The following DMXL1 variants were observed in gnomAD, a reference collection of about 807,000 sequenced individuals.
The protein encoded by DMXL1 is Dmx like 1.
A neutral mutation model predicts 319.2 loss-of-function variants in DMXL1; 99 were observed. The ratio of observed to expected loss-of-function variants is 0.31; its 90% confidence interval spans 0.26 to 0.37. The LOEUF (loss-of-function observed/expected upper bound fraction) is 0.37, where lower values mean the gene tolerates loss of function less well. Among genes scored for constraint, DMXL1 ranks in the 10% least tolerant of loss-of-function variants. DMXL1 has a pLI of 1.00. For synonymous variants in DMXL1, 1,385 were observed against 1,235.2 expected (o/e 1.12, Z -2.54); for missense variants, 3,745 against 3,595.6 (o/e 1.04, Z -1.06).
intron 8 of DMXL1, 82 bp downstream of exon 8, chr5:119,119,086 A>G (rs1462373468): frequency 1.2e-6 from 1 of 862,824 alleles, no homozygotes. Context: ...TAATGTTATA[A>G]AAAAACTATA....
intron 29 of DMXL1, among the ~76,000 whole-genome samples, chr5:119,193,561 GTGGTGAT>G (rs1462216649): frequency 1.3e-5 from 2 of 152,062 alleles, no homozygotes; most frequent in Admixed American, 1.3e-4. Flanking sequence ...GTAAATGAGG[GTGGTGAT>G]TGTATCTGTC....
intron 1 of DMXL1, among the ~76,000 whole-genome samples, chr5:119,074,073 C>T (rs1342352896): frequency 6.6e-6 from 1 of 152,140 alleles, no homozygotes; most frequent in Non-Finnish European, 1.5e-5. Flanking sequence ...CATGTGCCAC[C>T]ATGCCCTGCT....
At chr5:119,245,305 G>A (rs540328203) in intron 43 of DMXL1, among the ~76,000 whole-genome samples, 2 of 152,152 alleles carry the variant, frequency 1.3e-5, no homozygotes, top group Non-Finnish European at 2.9e-5. Flanking sequence ...TAGTTTCATC[G>A]AATTTATTAA....
At chr5:119,122,049 A>C (rs1397847257) in intron 9 of DMXL1, among the ~76,000 whole-genome samples, 36 of 75,486 alleles carry the variant, frequency 4.8e-4, no homozygotes, top group South Asian at 9.3e-4. Flanking sequence ...CTGACCCCCC[A>C]ACCTCCCTCC....
chr5:119,134,616 T>C (rs909935244), intron 13 of DMXL1, among the ~76,000 whole-genome samples: 5 of 152,234 alleles, frequency 3.3e-5, no homozygotes, highest in Non-Finnish European at 7.3e-5. Flanking sequence ...CTGTAATATG[T>C]TTCTGTAACA....
intron 34 of DMXL1, among the ~76,000 whole-genome samples, chr5:119,210,677 C>G (rs1782602778): frequency 6.6e-6 from 1 of 150,752 alleles, no homozygotes; most frequent in Admixed American, 6.6e-5. Context: ...TCACTATAAC[C>G]TTATAATAAA....
intron 31 of DMXL1, among the ~76,000 whole-genome samples, chr5:119,197,259 GGAA>G (rs1478888542): frequency 2.0e-5 from 3 of 152,124 alleles, no homozygotes. Context: ...GGGCCACACA[GGAA>G]GAAGAATAAT....
intron 5 of DMXL1, among the ~76,000 whole-genome samples, chr5:119,111,169 C>G (rs573463594): frequency 1.4e-3 from 205 of 151,694 alleles, no homozygotes; most frequent in Non-Finnish European, 2.5e-3. Context: ...TACCTGATAC[C>G]AAAACAAATG....
rs567372432 is a variant in DMXL1 at position 119,163,821 on chromosome 5, C to T, written c.4703-686C>T. Among the ~76,000 whole-genome samples, 14 of 152,220 alleles carry T rather than the reference C, an allele frequency of 9.2e-5. No individual in the cohort carries two copies. In the East Asian group the frequency reaches 1.3e-3, roughly 15 times the overall value. ...CGATCTCCTGACCTCGTGATCCGCC[C>T]GCCTCGGCCTCCCAAAGTGCTGGGA... is the stretch of plus-strand genomic sequence containing the variant. On this transcript the variant is annotated intron_variant, in intron 19 of 43. Coordinates refer to ENST00000539542, the MANE Select transcript of DMXL1 (RefSeq NM_001290321.3).
At chr5:119,217,026 T>C in intron 35 of DMXL1, 39 bp downstream of exon 35, 1 of 1,172,230 alleles carries the variant, frequency 8.5e-7, no homozygotes. Flanking sequence ...TATTAAGTAT[T>C]TATAGTTGGA....
intron 38 of DMXL1, among the ~76,000 whole-genome samples, chr5:119,231,905 T>G (rs1368865605): frequency 6.6e-6 from 1 of 152,216 alleles, no homozygotes; most frequent in African/African-American, 2.4e-5. Context: ...GAGTTTTGAT[T>G]TGCTCGTATA....
intron 1 of DMXL1, among the ~76,000 whole-genome samples, chr5:119,092,358 G>T (rs566300076): frequency 4.6e-5 from 7 of 151,698 alleles, no homozygotes; most frequent in Non-Finnish European, 7.4e-5. Context: ...GGGCTCAAGC[G>T]ATCTTTTCTC....
rs186860175 is a variant in DMXL1, at chr5:119,086,518, T to C, written c.88-11461T>C. Among the ~76,000 whole-genome samples the C allele has an allele frequency of 7.0e-4, 107 of 152,340 alleles. 1 individual carries two copies. Among genetic ancestry groups the C allele is most frequent in the African/African-American group, 2.4e-3 (100 of 41,570 alleles). On this transcript the variant is annotated intron_variant, in intron 1 of 43. Coordinates refer to ENST00000539542, the MANE Select transcript of DMXL1 (RefSeq NM_001290321.3). ...GGCTTGTAGTTTTTTGTTGTTGTTG[T>C]TGCTTTGTCTGGTTTTGGTGTCAGG... is the stretch of plus-strand genomic sequence containing the variant.
intron 39 of DMXL1, chr5:119,236,765 A>G (rs1386477334): frequency 6.6e-6 from 1 of 151,934 alleles, no homozygotes; most frequent in African/African-American, 2.4e-5. Context: ...TCAAAGGGAA[A>G]AAATTTAGCT....
At chr5:119,155,310 T>C (rs1226460217) in intron 19 of DMXL1, among the ~76,000 whole-genome samples, 1 of 152,186 alleles carries the variant, frequency 6.6e-6, no homozygotes, top group African/African-American at 2.4e-5. Context: ...TGAAAACCAC[T>C]GGAAAGGCTT....
At chr5:119,136,582 A>G (rs1336414353) in intron 13 of DMXL1, among the ~76,000 whole-genome samples, 31 of 152,230 alleles carry the variant, frequency 2.0e-4, no homozygotes. Context: ...AAGCGGGAAA[A>G]TGGTTTCATG....
intron 13 of DMXL1, among the ~76,000 whole-genome samples, chr5:119,136,167 A>T (rs755800900): frequency 6.6e-6 from 1 of 152,192 alleles, no homozygotes; most frequent in Non-Finnish European, 1.5e-5. Context: ...TAGCAAAGAG[A>T]CTGGTTGCAT....
At chr5:119,082,050 CACACACATACACGTAT>C (rs1752364378) in intron 1 of DMXL1, among the ~76,000 whole-genome samples, 1 of 147,186 alleles carries the variant, frequency 6.8e-6, no homozygotes, top group Non-Finnish European at 1.5e-5. Context: ...CACACACACA[CACACACATACACGTAT>C]ATACATGTTC....
At chr5:119,114,398 A>C in intron 5 of DMXL1, 77 bp from the exon 6 acceptor site, 1 of 1,048,314 alleles carries the variant, frequency 9.5e-7, no homozygotes. Flanking sequence ...CCAATTGCTG[A>C]TTTATAATTT....
Sources: gnomAD v4.1 joint callset for allele counts (sites outside exome capture counted in the v4.1 genomes callset) on GRCh38, gnomAD v4.1.1 for gene constraint, MANE v1.5 for transcripts, NCBI Gene and HGNC (gene_info 2026-07-23, HGNC 2026-07-21) for gene names.